The following CNTN4 variants were observed in gnomAD, a reference collection of about 807,000 sequenced individuals.
The protein encoded by CNTN4 is contactin 4, also known as contactin-4.
In CNTN4, 77 loss-of-function variants were observed where a neutral mutation model predicts 122.5. That is an observed-to-expected ratio of 0.63 (90% confidence interval 0.52 to 0.76). CNTN4 has a LOEUF of 0.76. CNTN4 is among the 30% of genes least tolerant of loss of function. The pLI is 0.00. For missense variants in CNTN4, 1,256 were observed against 1,259.1 expected, an observed-to-expected ratio of 1.00 and a Z score of 0.04; for synonymous variants, 512 against 447.0, an observed-to-expected ratio of 1.15 and a Z score of -1.83.
intron 6 of CNTN4, among the ~76,000 whole-genome samples, chr3:2,815,339 A>T (rs1271096300): frequency 3.9e-5 from 6 of 152,224 alleles, no homozygotes; most frequent in Admixed American, 3.3e-4. Flanking sequence ...TCATCTATAC[A>T]TCTGACAAAG....
At chr3:2,502,494 G>C (rs901682321) in intron 3 of CNTN4, among the ~76,000 whole-genome samples, 1 of 152,090 alleles carries the variant, frequency 6.6e-6, no homozygotes, top group Admixed American at 6.6e-5. Flanking sequence ...CCTGACACTA[G>C]AGCCAGCAAT....
chr3:2,953,480 A>G (rs1230823468), intron 13 of CNTN4, among the ~76,000 whole-genome samples: 1 of 148,812 alleles, frequency 6.7e-6, no homozygotes, highest in Non-Finnish European at 1.5e-5. Context: ...CCATTTGTCT[A>G]TTGGGTCCTC....
chr3:2,773,374 A>G (rs12330202), intron 6 of CNTN4, among the ~76,000 whole-genome samples: 12,454 of 152,234 alleles, frequency 0.082, 569 homozygotes, highest in East Asian at 0.12. Flanking sequence ...AGTTTGTACA[A>G]GTTTTATTCA....
chr3:2,471,489 G>C (rs1293686670), intron 3 of CNTN4, among the ~76,000 whole-genome samples: 1 of 152,104 alleles, frequency 6.6e-6, no homozygotes, highest in Non-Finnish European at 1.5e-5. Flanking sequence ...TTTTTCCTTA[G>C]AAGTGAGTGG....
intron 14 of CNTN4, among the ~76,000 whole-genome samples, chr3:3,002,463 A>G (rs1173522658): frequency 6.6e-6 from 1 of 152,218 alleles, no homozygotes; most frequent in Non-Finnish European, 1.5e-5. Flanking sequence ...GAGAAATAAT[A>G]AAATAGTAGG....
At chr3:2,149,267 C>G (rs140473783) in intron 2 of CNTN4, among the ~76,000 whole-genome samples, 78 of 152,270 alleles carry the variant, frequency 5.1e-4, no homozygotes, top group African/African-American at 1.8e-3. Flanking sequence ...AATCCCGTGA[C>G]CATACGCAGT....
chr3:2,828,459 A>G (rs1286605363), intron 7 of CNTN4, among the ~76,000 whole-genome samples: 1 of 152,200 alleles, frequency 6.6e-6, no homozygotes. Context: ...TTACAAAATG[A>G]TGTTTAAAAT....
intron 14 of CNTN4, among the ~76,000 whole-genome samples, chr3:3,015,995 T>C (rs907875694): frequency 6.6e-6 from 1 of 152,178 alleles, no homozygotes; most frequent in African/African-American, 2.4e-5. Context: ...GGGGACTCTT[T>C]TGCTCAGTGA....
chr3:2,912,218 G>A (rs1048482333), intron 12 of CNTN4, among the ~76,000 whole-genome samples: 13 of 152,216 alleles, frequency 8.5e-5, no homozygotes, highest in African/African-American at 3.1e-4. Flanking sequence ...AAACAAGTGT[G>A]CATCTGTAAG....
intron 2 of CNTN4, among the ~76,000 whole-genome samples, chr3:2,268,260 C>A (rs2041135709): frequency 6.6e-6 from 1 of 151,984 alleles, no homozygotes; most frequent in East Asian, 1.9e-4. Context: ...CATTCTCATG[C>A]TTTGACTTGA....
intron 4 of CNTN4, among the ~76,000 whole-genome samples, chr3:2,732,749 C>G (rs1460861250): frequency 6.6e-6 from 1 of 152,110 alleles, no homozygotes; most frequent in Non-Finnish European, 1.5e-5. Flanking sequence ...ATTGTTAACC[C>G]TGGTCCGAAG....
intron 6 of CNTN4, among the ~76,000 whole-genome samples, chr3:2,770,308 G>A (rs1328194073): frequency 1.3e-5 from 2 of 152,180 alleles, no homozygotes; most frequent in Non-Finnish European, 2.9e-5. Context: ...GATTACAGGC[G>A]TGAGCCACCG....
chr3:2,942,093 G>A (rs963258633), intron 13 of CNTN4, among the ~76,000 whole-genome samples: 3 of 152,062 alleles, frequency 2.0e-5, no homozygotes, highest in South Asian at 2.1e-4. Context: ...ACCTGGTTCC[G>A]TTCACCACTA....
chr3:2,331,337 C>G (rs2043712578), intron 2 of CNTN4, among the ~76,000 whole-genome samples: 1 of 152,170 alleles, frequency 6.6e-6, no homozygotes, highest in African/African-American at 2.4e-5. Context: ...GTGAATCAAG[C>G]CATTCATATA....
chr3:2,741,289 G>C (rs1460532810), intron 5 of CNTN4, among the ~76,000 whole-genome samples: 1 of 152,220 alleles, frequency 6.6e-6, no homozygotes, highest in African/African-American at 2.4e-5. Flanking sequence ...AGGAAAGAAA[G>C]TCTAATTCAG....
intron 2 of CNTN4, among the ~76,000 whole-genome samples, chr3:2,324,019 T>C (rs1457904513): frequency 6.6e-6 from 1 of 152,168 alleles, no homozygotes; most frequent in Non-Finnish European, 1.5e-5. Context: ...AAATCTTGGT[T>C]ATGGGGAGCT....
chr3:2,872,642 C>T (rs929681432), intron 8 of CNTN4, among the ~76,000 whole-genome samples: 2 of 152,110 alleles, frequency 1.3e-5, no homozygotes, highest in African/African-American at 4.8e-5. Context: ...AAACAAGGAA[C>T]AATGAGATTA....
At chr3:2,456,690 T>A (rs2049015266) in intron 3 of CNTN4, among the ~76,000 whole-genome samples, 1 of 152,170 alleles carries the variant, frequency 6.6e-6, no homozygotes, top group South Asian at 2.1e-4. Flanking sequence ...TCGTAGCACC[T>A]GTCAGTATTT....
At chr3:3,017,094 T>C (rs1375960825) in intron 14 of CNTN4, among the ~76,000 whole-genome samples, 1 of 152,188 alleles carries the variant, frequency 6.6e-6, no homozygotes, top group African/African-American at 2.4e-5. Context: ...TTCTGCCACC[T>C]AAAAGGGCAG....
Sources: allele counts gnomAD v4.1 joint callset (sites outside exome capture counted in the v4.1 genomes callset), GRCh38; gene constraint gnomAD v4.1.1; transcripts MANE v1.5; gene names NCBI Gene and HGNC (gene_info 2026-07-23, HGNC 2026-07-21).